IFT52: variants seen among roughly 807,000 people sequenced by gnomAD.
IFT52 encodes intraflagellar transport 52, also known as intraflagellar transport protein 52 homolog.
A neutral mutation model predicts 54.4 loss-of-function variants in IFT52; 44 were observed. The observed-to-expected ratio is 0.81, with a 90% CI of 0.63 to 1.04. The LOEUF is 1.04. Among genes scored for constraint, IFT52 ranks in the 50% least tolerant of loss-of-function variants. The probability of loss-of-function intolerance (pLI) is 0.00; values close to 1 mark genes in which losing one functional copy is unlikely to be tolerated. For synonymous variants in IFT52, 181 were observed against 185.3 expected, an observed-to-expected ratio of 0.98 and a Z score of 0.19; for missense variants, 452 against 523.6, an observed-to-expected ratio of 0.86 and a Z score of 1.33.
intron 7 of IFT52, among the ~76,000 whole-genome samples, chr20:43,618,632 C>G (rs1162337825): frequency 1.4e-5 from 2 of 143,784 alleles, no homozygotes; most frequent in Non-Finnish European, 3.0e-5. Flanking sequence ...CAGGCGCATG[C>G]CACCACACCT....
At position 43,592,393 on chromosome 20, in the gene IFT52, C is replaced by CATT. The variant is rs1981600877; in HGVS notation, c.-7+1339_-7+1340insATT. The stretch of plus-strand genomic sequence containing the variant: ...AGCACCACAATAATTTCCAAATGGA[C>CATT]TAAAATTTAAATGTTAAAAAATTAC... On this transcript the variant is annotated intron_variant, in intron 1 of 13. Coordinates refer to ENST00000373030, the MANE Select transcript of IFT52 (RefSeq NM_016004.5). 2.6e-5 allele frequency among the ~76,000 whole-genome samples: 4 copies of CATT among 151,768 alleles called. No homozygotes were observed. The South Asian group carries it at 8.3e-4, about 32-fold the overall frequency.
intron 3 of IFT52, among the ~76,000 whole-genome samples, chr20:43,599,673 G>A (rs80117038): frequency 1.6e-3 from 240 of 152,214 alleles, no homozygotes; most frequent in African/African-American, 5.4e-3. Flanking sequence ...GCTGTGTGAT[G>A]CCTTTTTCAT....
intron 9 of IFT52, among the ~76,000 whole-genome samples, chr20:43,623,437 T>C (rs1242068928): frequency 6.6e-6 from 1 of 152,196 alleles, no homozygotes; most frequent in Non-Finnish European, 1.5e-5. Context: ...TCCACTCACC[T>C]CAGCCTCCCA....
chr20:43,618,563 C>T (rs1253286236), intron 7 of IFT52, among the ~76,000 whole-genome samples: 3 of 152,086 alleles, frequency 2.0e-5, no homozygotes, highest in African/African-American at 4.8e-5. Flanking sequence ...CTCACTGCAA[C>T]CTCCGCCTCC....
chr20:43,609,657 C>G (rs142624275), intron 6 of IFT52, among the ~76,000 whole-genome samples: 2 of 151,630 alleles, frequency 1.3e-5, no homozygotes, highest in Admixed American at 1.3e-4. Context: ...CACCTGTAAT[C>G]TCAGCTACTC....
chr20:43,635,848 A>T, intron 10 of IFT52, 78 bp from the exon 11 acceptor site: 1 of 1,290,612 alleles, frequency 7.7e-7, no homozygotes, highest in Non-Finnish European at 1.1e-6. Flanking sequence ...TTTCATGGAG[A>T]ACAACACAGT....
chr20:43,595,511 T>G (rs1390151948), intron 2 of IFT52, among the ~76,000 whole-genome samples: 1 of 152,052 alleles, frequency 6.6e-6, no homozygotes, highest in Admixed American at 6.6e-5. Context: ...ATTGCGCCAC[T>G]GCACTCCAGC....
At position 43,613,959 on chromosome 20, in the gene IFT52, GCTTT is replaced by G; in HGVS notation, c.598_601del (p.Phe200IlefsTer47). 1 of 1,613,772 alleles carries G rather than the reference GCTTT, an allele frequency of 6.2e-7. No individual in the cohort carries two copies. The highest frequency in any genetic ancestry group is 8.5e-7 in the Non-Finnish European group (1 of 1,179,776). ...CTTCCCACTTAACAGACCCATTTTG[GCTTT>G]CTATCACTCAAAGGTACAGCTTTTC... On this transcript the variant is annotated frameshift_variant, in exon 7 of 14. Coordinates refer to ENST00000373030, the MANE Select transcript of IFT52 (RefSeq NM_016004.5). LOFTEE classifies it high-confidence loss of function.
intron 6 of IFT52, among the ~76,000 whole-genome samples, chr20:43,607,458 C>T (rs1321436207): frequency 6.8e-6 from 1 of 146,408 alleles, no homozygotes; most frequent in Admixed American, 6.8e-5. Flanking sequence ...TCAGACAGGG[C>T]GGCTGGGCAG....
chr20:43,647,071 G>C lies in IFT52; in HGVS notation c.*88G>C. Reference sequence around the variant, plus strand: ...TGTTTTTCAACTCCTTATCAAAATTGTTTATACACTCTTTCCTCCATGAGC... The same window carrying C: ...TGTTTTTCAACTCCTTATCAAAATTCTTTATACACTCTTTCCTCCATGAGC... On this transcript the variant is annotated 3_prime_UTR_variant, in exon 14 of 14. Coordinates refer to ENST00000373030, the MANE Select transcript of IFT52 (RefSeq NM_016004.5). 1 of 1,128,014 alleles carries C rather than the reference G, an allele frequency of 8.9e-7. No homozygotes were observed. Among genetic ancestry groups the C allele is most frequent in the Non-Finnish European group, 1.4e-6 (1 of 740,348 alleles). The allele number at this position is 1,128,014 out of a possible 1,614,324, so 69.9% of individuals were successfully genotyped here.
intron 9 of IFT52, among the ~76,000 whole-genome samples, chr20:43,623,057 C>G (rs1033312203): frequency 1.3e-5 from 2 of 151,960 alleles, no homozygotes; most frequent in African/African-American, 2.4e-5. Flanking sequence ...AGGAAAGAAG[C>G]AGATAGGGCC....
rs1479549762 is a variant in IFT52 at position 43,644,905 on chromosome 20, G to A, written c.1267-2031G>A. ...GCGGATCACTTGAGGTCAGGAATTC[G>A]AGACCAGCCTGGCCAACATGGTGAA... On this transcript the variant is annotated intron_variant, in intron 13 of 13. Transcript: ENST00000373030. Among the ~76,000 whole-genome samples, 3 of 55,956 alleles carry A rather than the reference G, an allele frequency of 5.4e-5. 1 individual carries two copies. Among genetic ancestry groups the A allele is most frequent in the East Asian group, 5.9e-4 (1 of 1,686 alleles). 36.7% of individuals were successfully genotyped at this position (55,956 alleles called of 152,430 possible).
At chr20:43,646,860 T>C in intron 13 of IFT52, 76 bp from the exon 14 acceptor site, 1 of 1,194,654 alleles carries the variant, frequency 8.4e-7, no homozygotes, top group Non-Finnish European at 1.2e-6. Flanking sequence ...ATCTCTAAAG[T>C]CCAAAGCACT....
At chr20:43,632,392 C>G (rs577188659) in intron 10 of IFT52, among the ~76,000 whole-genome samples, 15 of 151,996 alleles carry the variant, frequency 9.9e-5, no homozygotes, top group Non-Finnish European at 1.9e-4. Context: ...TCCTGAGTAG[C>G]TGGGATTACA....
intron 7 of IFT52, among the ~76,000 whole-genome samples, chr20:43,616,730 T>C (rs1046853972): frequency 6.6e-6 from 1 of 152,102 alleles, no homozygotes; most frequent in Non-Finnish European, 1.5e-5. Context: ...CAATATAATT[T>C]ATAGTATAGG....
chr20:43,627,922 G>GTTTTTTTT (rs554920528), intron 10 of IFT52, among the ~76,000 whole-genome samples: 1 of 56,086 alleles, frequency 1.8e-5, no homozygotes, highest in Non-Finnish European at 2.9e-5. Flanking sequence ...GAGAGAGAGA[G>GTTTTTTTT]TTTTTTTTTT....
At chr20:43,598,189 A>G (rs1032813820) in intron 3 of IFT52, among the ~76,000 whole-genome samples, 2 of 152,350 alleles carry the variant, frequency 1.3e-5, no homozygotes, top group Middle Eastern at 3.4e-3. Flanking sequence ...AGGCAGACAC[A>G]AAAAGACAAA....
intron 10 of IFT52, among the ~76,000 whole-genome samples, chr20:43,632,222 G>A (rs974049807): frequency 6.6e-6 from 1 of 151,648 alleles, no homozygotes; most frequent in Non-Finnish European, 1.5e-5. Flanking sequence ...ACTGCGCCCA[G>A]CCTATTTGTC....
chr20:43,624,198 T>C (rs977460183), intron 10 of IFT52, 153 bp downstream of exon 10: 18 of 836,372 alleles, frequency 2.2e-5, no homozygotes, highest in Non-Finnish European at 3.4e-5. Flanking sequence ...GAAACTGGGC[T>C]GGGCATGAGG....
Sources: allele counts gnomAD v4.1 joint callset (sites outside exome capture counted in the v4.1 genomes callset), GRCh38; gene constraint gnomAD v4.1.1; transcripts MANE v1.5; gene names NCBI Gene and HGNC (gene_info 2026-07-23, HGNC 2026-07-21).